The following ZCCHC4 variants were observed in gnomAD, a reference collection of about 807,000 sequenced individuals.
ZCCHC4 encodes zinc finger CCHC-type containing 4.
A neutral mutation model predicts 67.7 loss-of-function variants in ZCCHC4; 54 were observed. The ratio of observed to expected loss-of-function variants is 0.80; its 90% CI spans 0.64 to 1.00. The LOEUF (loss-of-function observed/expected upper bound fraction) is 1.00. ZCCHC4 is among the 50% of genes least tolerant of loss of function. The pLI, the probability that ZCCHC4 is intolerant of heterozygous loss-of-function variation, is 0.00. For synonymous variants in ZCCHC4, 198 were observed against 213.5 expected, an observed-to-expected ratio of 0.93 and a Z score of 0.63; for missense variants, 609 against 617.0, an observed-to-expected ratio of 0.99 and a Z score of 0.14.
At chr4:25,350,301 C>T (rs1035627765) in intron 7 of ZCCHC4, among the ~76,000 whole-genome samples, 6 of 138,774 alleles carry the variant, frequency 4.3e-5, no homozygotes, top group Non-Finnish European at 6.1e-5. Flanking sequence ...CACTCTGTCA[C>T]CCAGTCTGGA....
At position 25,316,293 on chromosome 4, in the gene ZCCHC4, T is replaced by C. The variant is rs1376657579; in HGVS notation, c.329+893T>C. On this transcript the variant is annotated intron_variant, in intron 3 of 12. Transcript: ENST00000302874. ...AATGATGCTACAGTGAACATTGATATACAAATATTAGTTTGAGACCCTGTC... is the reference window on the plus strand; with the variant it reads ...AATGATGCTACAGTGAACATTGATACACAAATATTAGTTTGAGACCCTGTC... Among the ~76,000 whole-genome samples the C allele has an allele frequency of 2.0e-5, 3 of 152,360 alleles. No individual in the cohort carries two copies. In the East Asian group the frequency reaches 5.8e-4, roughly 29 times the overall value.
intron 8 of ZCCHC4, chr4:25,352,233 A>G (rs1358199997): frequency 1.0e-6 from 1 of 985,244 alleles, no homozygotes; most frequent in African/African-American, 1.7e-5. Context: ...ACTTCACAGC[A>G]ATGACTATGG....
Position 25,324,971 on chromosome 4 carries a change from C to T in ZCCHC4, c.330-8212C>T, listed in dbSNP as rs191865902. 5.9e-5 allele frequency among the ~76,000 whole-genome samples: 9 copies of T among 152,186 alleles called. No individual in the cohort carries two copies. The East Asian group carries it at 7.7e-4, about 13-fold the overall frequency. On this transcript the variant is annotated intron_variant, in intron 3 of 12. Transcript: ENST00000302874. The stretch of plus-strand genomic sequence containing the variant: ...AATTTGAAATATTTTCGGCCGGGCG[C>T]GGTGGCTCACGCCTGTAATCCCAGC...
chr4:25,357,093 T>C (rs1218351127), intron 8 of ZCCHC4, among the ~76,000 whole-genome samples: 2 of 152,172 alleles, frequency 1.3e-5, no homozygotes, highest in African/African-American at 2.4e-5. Flanking sequence ...AGATAAAATA[T>C]GCTCCCCATT....
At chr4:25,349,248 C>G (rs555821356) in intron 6 of ZCCHC4, among the ~76,000 whole-genome samples, 1 of 152,286 alleles carries the variant, frequency 6.6e-6, no homozygotes, top group African/African-American at 2.4e-5. Context: ...AATGTGTAGT[C>G]TTCTGATAGT....
In ZCCHC4 at chr4:25,359,395, C is replaced by T. The variant is rs1720634838; in HGVS notation, c.1012-2464C>T. ...AGAAGCTGCCATGAATGGGGACCTC[C>T]AGGCACAGGCGGGGCACCTGGAGGC... On this transcript the variant is annotated intron_variant, in intron 8 of 12. Coordinates refer to ENST00000302874, the MANE Select transcript of ZCCHC4 (RefSeq NM_024936.3). This position sits in a 1 kb window ranked among gnomAD's most constrained non-coding sequence, Gnocchi z 4.9. Among the ~76,000 whole-genome samples, 1 of 152,140 alleles carries T rather than the reference C, an allele frequency of 6.6e-6. No individual in the cohort carries two copies. Among genetic ancestry groups the T allele is most frequent in the African/African-American group, 2.4e-5 (1 of 41,432 alleles).
At chr4:25,331,217 C>T (rs1010812920) in intron 3 of ZCCHC4, among the ~76,000 whole-genome samples, 10 of 152,170 alleles carry the variant, frequency 6.6e-5, no homozygotes, top group Non-Finnish European at 1.0e-4. Context: ...ACTGCTTTTT[C>T]ATATATTTTG....
At chr4:25,322,116 T>C (rs1718614047) in intron 3 of ZCCHC4, among the ~76,000 whole-genome samples, 1 of 152,106 alleles carries the variant, frequency 6.6e-6, no homozygotes, top group Non-Finnish European at 1.5e-5. Context: ...AATGATGAAA[T>C]AGAGTGGTTG....
chr4:25,362,918 A>G (rs567592932), intron 10 of ZCCHC4, among the ~76,000 whole-genome samples: 28 of 152,060 alleles, frequency 1.8e-4, no homozygotes, highest in Non-Finnish European at 3.1e-4. Flanking sequence ...GATTCCCCCT[A>G]TGTCCCCTGC....
chr4:25,343,042 T>TA (rs1719832017), intron 5 of ZCCHC4, among the ~76,000 whole-genome samples: 1 of 152,216 alleles, frequency 6.6e-6, no homozygotes, highest in African/African-American at 2.4e-5. Flanking sequence ...TGGTCGTACT[T>TA]ATAAAGCAGT....
chr4:25,332,270 G>A (rs1199164124), intron 3 of ZCCHC4, among the ~76,000 whole-genome samples: 6 of 145,622 alleles, frequency 4.1e-5, no homozygotes, highest in Admixed American at 7.0e-5. Context: ...ATTGCGCCAC[G>A]GCACTCTAGC....
intron 12 of ZCCHC4, among the ~76,000 whole-genome samples, chr4:25,367,737 T>C (rs1423445300): frequency 6.6e-6 from 1 of 152,178 alleles, no homozygotes; most frequent in Non-Finnish European, 1.5e-5. Context: ...TAGTGCAAAA[T>C]CTAAATATGA....
intron 3 of ZCCHC4, among the ~76,000 whole-genome samples, chr4:25,319,071 A>T (rs9999528): frequency 0.52 from 79,422 of 152,072 alleles, 21,993 homozygotes; most frequent in Non-Finnish European, 0.61. Flanking sequence ...GTGTTAAGTA[A>T]CTACAGTATT....
rs1718015817 is a variant in ZCCHC4, at chr4:25,312,832, T to G, written c.23T>G (p.Phe8Cys). The G allele has an allele frequency of 6.2e-7, 1 of 1,613,298 alleles. No homozygotes were observed. The highest frequency in any genetic ancestry group is 8.5e-7 in the Non-Finnish European group (1 of 1,180,014). The change falls in exon 1 of 13, where the codon TTT becomes TGT. Residue 8 changes from phenylalanine (F) to cysteine (C), a missense_variant. Phe to Cys is a radical substitution (Grantham distance 205, BLOSUM62 -2). Coordinates refer to ENST00000302874, the MANE Select transcript of ZCCHC4 (RefSeq NM_024936.3). ...AAGATGGCGGCCTCCAGGAATGGGT[T>G]TGAAGCCGTGGAGGCAGAGGGCAGC... MAASRNG[F>C]EAVEAEGSAG... is the part of the protein sequence containing the mutation.
intron 3 of ZCCHC4, among the ~76,000 whole-genome samples, chr4:25,327,411 T>G (rs1718944031): frequency 1.1e-5 from 1 of 90,038 alleles, no homozygotes; most frequent in African/African-American, 3.6e-5. Context: ...CTTCCCTCCT[T>G]CCCTCCTTCC....
intron 3 of ZCCHC4, among the ~76,000 whole-genome samples, chr4:25,327,402 T>TTCCCTCCCTCCC (rs1718942671): frequency 9.8e-6 from 1 of 102,394 alleles, no homozygotes; most frequent in African/African-American, 5.0e-5. Context: ...CCCTCCCTCC[T>TTCCCTCCCTCCC]TCCCTCCTTC....
rs201092573 is a variant in ZCCHC4, at chr4:25,369,346, AGTT to A, written c.*186_*188del. ...TATCTGCCTCTCTGGAGACATGGGG[AGTT>A]GTTCCATCTTCAGCCAGTTTACTAG... On this transcript the variant is annotated 3_prime_UTR_variant, in exon 13 of 13. Coordinates refer to ENST00000302874, the MANE Select transcript of ZCCHC4 (RefSeq NM_024936.3). 1.7e-3 allele frequency: 1,123 copies of A among 670,958 alleles called. 9 individuals carry two copies. In the African/African-American group the frequency reaches 0.019, roughly 12 times the overall value. 41.6% of individuals were successfully genotyped at this position (670,958 alleles called of 1,614,324 possible).
chr4:25,358,944 C>T (rs1039998844), intron 8 of ZCCHC4, among the ~76,000 whole-genome samples: 4 of 152,196 alleles, frequency 2.6e-5, no homozygotes, highest in Admixed American at 6.5e-5. Context: ...TCCAGTTACC[C>T]GCCACTGGTC....
At chr4:25,351,510 G>A in intron 7 of ZCCHC4, 79 bp from the exon 8 acceptor site, 1 of 882,324 alleles carries the variant, frequency 1.1e-6, no homozygotes, top group Non-Finnish European at 1.7e-6. Context: ...AATTTCTTAT[G>A]CTAGCGGAAG....
Sources: allele counts gnomAD v4.1 joint callset (sites outside exome capture counted in the v4.1 genomes callset), GRCh38; gene constraint gnomAD v4.1.1; non-coding constraint Gnocchi (gnomAD v3.1); transcripts MANE v1.5; gene names NCBI Gene and HGNC (gene_info 2026-07-23, HGNC 2026-07-21).